TTYH3: variants seen among roughly 807,000 people sequenced by gnomAD.
TTYH3 encodes protein tweety homolog 3.
In TTYH3, 23 loss-of-function variants were observed where a neutral mutation model predicts 68.2. The ratio of observed to expected loss-of-function variants is 0.34; its 90% CI spans 0.24 to 0.48. TTYH3 has a LOEUF of 0.48. Ranked by LOEUF, TTYH3 falls within the 20% of genes least tolerant of loss-of-function variation. The pLI is 0.99. For missense variants in TTYH3, 768 were observed against 727.7 expected, an observed-to-expected ratio of 1.06 and a Z score of -0.64; for synonymous variants, 360 against 332.8, an observed-to-expected ratio of 1.08 and a Z score of -0.89.
Position 2,658,918 on chromosome 7 carries a change from CCT to C in TTYH3, c.1425-16_1425-15del. The C allele has an allele frequency of 1.2e-6, 2 of 1,612,638 alleles. No individual in the cohort carries two copies. Among genetic ancestry groups the C allele is most frequent in the Non-Finnish European group, 8.5e-7 (1 of 1,178,846 alleles). On this transcript the variant is annotated intron_variant, in intron 12 of 13. Transcript: ENST00000258796. Reference sequence around the variant, plus strand: ...CTGCATGGCCAGCAGGCACTCACAGCCTCTCTCCCCTCATGCCTCAGGAGCCA... The same window carrying C: ...CTGCATGGCCAGCAGGCACTCACAGCCTCTCCCCTCATGCCTCAGGAGCCA...
Position 2,646,923 on chromosome 7 carries a change from CCTT to C in TTYH3, c.197_199del (p.Phe66del), listed in dbSNP as rs1480560512. On this transcript the variant is annotated inframe_deletion, in exon 2 of 14. Coordinates refer to ENST00000258796, the MANE Select transcript of TTYH3 (RefSeq NM_025250.3). ...GACCTCCTCTTCCTGCTCTTCTACT[CCTT>C]CTGGCTGTGCTGCCGGCGGCGCAAG... 3 of 1,600,956 alleles carry C rather than the reference CCTT, an allele frequency of 1.9e-6. No homozygotes were observed. Among genetic ancestry groups the C allele is most frequent in the East Asian group, 2.2e-5 (1 of 44,838 alleles).
chr7:2,661,635 C>T (rs1383349133), intron 13 of TTYH3, 33 bp from the exon 14 acceptor site: 1 of 1,603,040 alleles, frequency 6.2e-7, no homozygotes, highest in African/African-American at 1.3e-5. Context: ...CATGCAGGGG[C>T]CCTGCTGATG....
At chr7:2,638,594 C>A (rs1181945444) in intron 1 of TTYH3, among the ~76,000 whole-genome samples, 1 of 152,178 alleles carries the variant, frequency 6.6e-6, no homozygotes, top group African/African-American at 2.4e-5. Context: ...GAGTTGGGGA[C>A]AGGGACACAA....
At chr7:2,650,669 G>A (rs1486859731) in intron 7 of TTYH3, among the ~76,000 whole-genome samples, 1 of 152,072 alleles carries the variant, frequency 6.6e-6, no homozygotes, top group Non-Finnish European at 1.5e-5. Flanking sequence ...GAGGGTGGGA[G>A]GCCAGTGGGG....
chr7:2,644,535 G>A (rs1785932079), intron 1 of TTYH3, among the ~76,000 whole-genome samples: 1 of 152,234 alleles, frequency 6.6e-6, no homozygotes, highest in South Asian at 2.1e-4. Context: ...GCCCTGAGCT[G>A]ATTCAGTTTC....
At chr7:2,649,746 C>G in intron 6 of TTYH3, 107 bp downstream of exon 6, 1 of 1,480,568 alleles carries the variant, frequency 6.8e-7, no homozygotes, top group South Asian at 1.2e-5. Flanking sequence ...GGCACTGGGT[C>G]CCGAGAGCGG....
At chr7:2,659,428 G>A (rs1321311782) in intron 13 of TTYH3, among the ~76,000 whole-genome samples, 1 of 152,210 alleles carries the variant, frequency 6.6e-6, no homozygotes, top group Non-Finnish European at 1.5e-5. Context: ...GCCATTCTCT[G>A]TGCCTTCTGG....
rs767942573 is a variant in TTYH3, at chr7:2,656,083, G to GC, written c.1021-3dup. The stretch of plus-strand genomic sequence containing the variant: ...GAAGTGCTGACCATCTGCGGTGCGT[G>GC]CCCCCCAGGACCCCCTCCTCCGCGT... On this transcript the variant is annotated splice_polypyrimidine_tract_variant and intron_variant, in intron 9 of 13. Coordinates refer to ENST00000258796, the MANE Select transcript of TTYH3 (RefSeq NM_025250.3). 3.3e-6 allele frequency: 5 copies of GC among 1,534,812 alleles called. No individual in the cohort carries two copies. In the South Asian group the frequency reaches 4.8e-5, roughly 15 times the overall value.
At position 2,652,090 on chromosome 7, in the gene TTYH3, G is replaced by C. The variant is rs1304535105; in HGVS notation, c.872-97G>C. On this transcript the variant is annotated intron_variant, in intron 7 of 13. Transcript: ENST00000258796. ...ATGCACACATGTAAACATGCACGCAGATGCCCTGAAGATATGCGTGCAGAC... is the reference window on the plus strand; with the variant it reads ...ATGCACACATGTAAACATGCACGCACATGCCCTGAAGATATGCGTGCAGAC... 2.9e-6 allele frequency: 3 copies of C among 1,023,560 alleles called. No homozygotes were observed. In the African/African-American group the frequency reaches 4.7e-5, roughly 16 times the overall value. The allele number at this position is 1,023,560 out of a possible 1,614,324, so 63.4% of individuals were successfully genotyped here.
rs1445173594 is a variant in TTYH3 at position 2,663,453 on chromosome 7, A to C, written c.*1714A>C. On this transcript the variant is annotated 3_prime_UTR_variant, in exon 14 of 14. Coordinates refer to ENST00000258796, the MANE Select transcript of TTYH3 (RefSeq NM_025250.3). ...GAGGGCAGAGTGGGGAGGGGAGTCC[A>C]TGGGCCTGGGGCCCCAAGCCGGGGC... 1 of 152,628 alleles carries C rather than the reference A, an allele frequency of 6.6e-6. No individual in the cohort carries two copies. Among genetic ancestry groups the C allele is most frequent in the Non-Finnish European group, 1.5e-5 (1 of 68,112 alleles). The allele number at this position is 152,628 out of a possible 1,614,324, so 9.5% of individuals were successfully genotyped here. A position where few individuals can be genotyped will look rare whatever the true frequency, so the allele number is the denominator to read the frequency against.
At chr7:2,642,700 C>T (rs1785880489) in intron 1 of TTYH3, among the ~76,000 whole-genome samples, 1 of 151,346 alleles carries the variant, frequency 6.6e-6, no homozygotes, top group Non-Finnish European at 1.5e-5. Flanking sequence ...TGCACTCCAG[C>T]CTGGGCCACA....
chr7:2,656,039 C>T (rs1434886282), intron 9 of TTYH3, 53 bp from the exon 10 acceptor site: 24 of 1,410,602 alleles, frequency 1.7e-5, no homozygotes, highest in South Asian at 1.2e-4. Context: ...GAGGCTGGCT[C>T]GAGGTCCCCC....
chr7:2,647,621 T>C lies in TTYH3; in HGVS notation c.609T>C (p.Asp203=), dbSNP rs1786035688. Residue 203 remains aspartate, a synonymous_variant, in exon 4 of 14, where the codon GAT becomes GAC. Transcript: ENST00000258796. ...VSLEVLAEQV[D]LYDWYRWLGY... ...TGGAGGTGCTGGCGGAGCAGGTGGA[T>C]CTCTACGACTGGTACAGGTGCGGCC... The C allele has an allele frequency of 6.4e-7, 1 of 1,571,284 alleles. No homozygotes were observed. Among genetic ancestry groups the C allele is most frequent in the Non-Finnish European group, 8.6e-7 (1 of 1,159,008 alleles).
At position 2,647,413 on chromosome 7, in the gene TTYH3, C is replaced by T. The variant is rs1786027201; in HGVS notation, c.406-5C>T. On this transcript the variant is annotated splice_region_variant and splice_polypyrimidine_tract_variant and intron_variant, in intron 3 of 13. Coordinates refer to ENST00000258796, the MANE Select transcript of TTYH3 (RefSeq NM_025250.3). ...CCCAGCCTCACGCCCGCGGGTCCGGCGCAGGTGTGGGACACGGCGGTGGGG... is the reference window on the plus strand; with the variant it reads ...CCCAGCCTCACGCCCGCGGGTCCGGTGCAGGTGTGGGACACGGCGGTGGGG... 2 of 1,494,000 alleles carry T rather than the reference C, an allele frequency of 1.3e-6. No individual in the cohort carries two copies. The highest frequency in any genetic ancestry group is 2.5e-5 in the East Asian group (1 of 39,976). 92.5% of individuals were successfully genotyped at this position (1,494,000 alleles called of 1,614,324 possible). A position where few individuals can be genotyped will look rare whatever the true frequency, so the allele number is the denominator to read the frequency against.
At chr7:2,638,539 G>A (rs1221562188) in intron 1 of TTYH3, among the ~76,000 whole-genome samples, 2 of 152,126 alleles carry the variant, frequency 1.3e-5, no homozygotes, top group Non-Finnish European at 2.9e-5. Context: ...GCCCCGGGGG[G>A]TGTGGGGCCA....
In TTYH3 at chr7:2,649,598, A is replaced by G; in HGVS notation, c.754A>G (p.Ile252Val). 2 of 1,597,780 alleles carry G rather than the reference A, an allele frequency of 1.3e-6. No homozygotes were observed. The highest frequency in any genetic ancestry group is 1.7e-6 in the Non-Finnish European group (2 of 1,177,092). Reference protein sequence around the residue: ...VCLLGVLALVISWGALGLELA... With the variant: ...VCLLGVLALVVSWGALGLELA... ...CCTGCTGGGAGTCCTGGCCCTGGTC[A>G]TCAGCTGGGGCGCGCTGGGCTTGGA... The change falls in exon 6 of 14, where the codon ATC (isoleucine) becomes GTC (valine). Residue 252 changes from isoleucine (I) to valine (V), a missense_variant. Ile to Val is a conservative substitution (Grantham distance 29). Coordinates refer to ENST00000258796, the MANE Select transcript of TTYH3 (RefSeq NM_025250.3).
At chr7:2,639,019 G>A (rs979849868) in intron 1 of TTYH3, among the ~76,000 whole-genome samples, 2 of 152,110 alleles carry the variant, frequency 1.3e-5, no homozygotes, top group Admixed American at 6.5e-5. Context: ...CCTGGCCCAG[G>A]ACACCTGGGG....
chr7:2,656,820 G>T (rs1029816276), intron 11 of TTYH3, among the ~76,000 whole-genome samples: 5 of 152,244 alleles, frequency 3.3e-5, no homozygotes, highest in African/African-American at 1.2e-4. Context: ...TGCCTCCCCA[G>T]ACTGGCTCTG....
intron 1 of TTYH3, among the ~76,000 whole-genome samples, chr7:2,637,765 C>T (rs1785718925): frequency 6.6e-6 from 1 of 152,140 alleles, no homozygotes; most frequent in Non-Finnish European, 1.5e-5. Flanking sequence ...CCCGGGCCTG[C>T]CGCTATGTTC....
Sources: gnomAD v4.1 joint callset for allele counts (sites outside exome capture counted in the v4.1 genomes callset) on GRCh38, gnomAD v4.1.1 for gene constraint, MANE v1.5 for transcripts, NCBI Gene and HGNC (gene_info 2026-07-23, HGNC 2026-07-21) for gene names.